The following DNAI1 variants were observed in gnomAD, a reference collection of about 807,000 sequenced individuals.
DNAI1 encodes dynein axonemal intermediate chain 1, also known as dynein, axonemal, intermediate polypeptide 1.
In DNAI1, 67 loss-of-function variants were observed where a neutral mutation model predicts 92.0. The ratio of observed to expected loss-of-function variants is 0.73; its 90% CI spans 0.60 to 0.89. The LOEUF is 0.89. DNAI1 is among the 40% of genes least tolerant of loss of function. The probability of loss-of-function intolerance (pLI) is 0.00; values close to 1 mark genes in which losing one functional copy is unlikely to be tolerated. For synonymous variants in DNAI1, 323 were observed against 319.6 expected (o/e 1.01, Z -0.11); for missense variants, 839 against 866.6 (o/e 0.97, Z 0.40).
At chr9:34,466,523 A>G (rs189125414) in intron 1 of DNAI1, among the ~76,000 whole-genome samples, 8 of 152,254 alleles carry the variant, frequency 5.3e-5, no homozygotes, top group Non-Finnish European at 1.0e-4. Context: ...TCTGCCCTTT[A>G]CAGACCTGGC....
In DNAI1 at chr9:34,483,088, G is replaced by A. The variant is rs144917007; in HGVS notation, c.49-360G>A. Among the ~76,000 whole-genome samples the A allele has an allele frequency of 4.5e-4, 68 of 152,324 alleles. No individual in the cohort carries two copies. In the East Asian group the frequency reaches 0.011, roughly 25 times the overall value. ...GGGCCCACCAAGCCCACGCCCACCC[G>A]GAACTCCAGCTGGCCCGCAAGCACC... On this transcript the variant is annotated intron_variant, in intron 1 of 19. Coordinates refer to ENST00000242317, the MANE Select transcript of DNAI1 (RefSeq NM_012144.4).
chr9:34,482,096 A>G (rs1010448175), intron 1 of DNAI1, among the ~76,000 whole-genome samples: 5 of 152,240 alleles, frequency 3.3e-5, no homozygotes, highest in African/African-American at 7.2e-5. Flanking sequence ...GTTTCCACAC[A>G]CAGGTTCTCC....
intron 5 of DNAI1, 51 bp downstream of exon 5, chr9:34,489,500 T>C (rs773374857): frequency 3.7e-6 from 6 of 1,606,382 alleles, no homozygotes; most frequent in Non-Finnish European, 5.1e-6. Flanking sequence ...GTTCCCCTTA[T>C]TCTGGTCACT....
At chr9:34,492,491 A>AAAATATATATATAT (rs1824621849) in intron 8 of DNAI1, among the ~76,000 whole-genome samples, 1 of 27,750 alleles carries the variant, frequency 3.6e-5, no homozygotes, top group Non-Finnish European at 8.0e-5. Flanking sequence ...TGGGGATATG[A>AAAATATATATATAT]AGATATATAT....
chr9:34,465,863 A>G (rs1432411290), intron 1 of DNAI1, among the ~76,000 whole-genome samples: 1 of 152,244 alleles, frequency 6.6e-6, no homozygotes, highest in Non-Finnish European at 1.5e-5. Flanking sequence ...ACAGAGTTGT[A>G]TGCAAGAAGC....
intron 1 of DNAI1, 56 bp from the exon 2 acceptor site, chr9:34,483,392 A>G: frequency 1.9e-6 from 3 of 1,556,750 alleles, no homozygotes; most frequent in Non-Finnish European, 2.6e-6. Flanking sequence ...ACTGTTTATG[A>G]TATTTCCATG....
At chr9:34,509,347 C>G (rs890871491) in intron 13 of DNAI1, among the ~76,000 whole-genome samples, 2 of 152,154 alleles carry the variant, frequency 1.3e-5, no homozygotes, top group African/African-American at 4.8e-5. Flanking sequence ...TTGAAGCACC[C>G]TGCACTTATC....
intron 1 of DNAI1, among the ~76,000 whole-genome samples, chr9:34,473,535 A>G (rs1588090372): frequency 6.6e-6 from 1 of 151,990 alleles, no homozygotes; most frequent in Admixed American, 6.6e-5. Context: ...CAGGTGATCC[A>G]CCCGCCTTGG....
chr9:34,463,777 G>T (rs1032819599), intron 1 of DNAI1, among the ~76,000 whole-genome samples: 2 of 152,140 alleles, frequency 1.3e-5, no homozygotes, highest in Non-Finnish European at 2.9e-5. Context: ...GGCTCCTATG[G>T]TGCAATACTT....
At chr9:34,481,875 G>A (rs1339891218) in intron 1 of DNAI1, among the ~76,000 whole-genome samples, 6 of 152,212 alleles carry the variant, frequency 3.9e-5, no homozygotes, top group Non-Finnish European at 7.3e-5. Context: ...AAGAGCAAAA[G>A]AACAAAGATT....
At chr9:34,510,856 A>C (rs1295374185) in intron 13 of DNAI1, among the ~76,000 whole-genome samples, 1 of 152,070 alleles carries the variant, frequency 6.6e-6, no homozygotes, top group Non-Finnish European at 1.5e-5. Context: ...ACTCTGACTT[A>C]TGCCTCACAG....
At chr9:34,498,746 C>G (rs1824772178) in intron 10 of DNAI1, among the ~76,000 whole-genome samples, 1 of 152,190 alleles carries the variant, frequency 6.6e-6, no homozygotes, top group South Asian at 2.1e-4. Flanking sequence ...TGCTGACAGC[C>G]TAGGGCTCTT....
Position 34,517,195 on chromosome 9 carries a change from T to C in DNAI1, c.1819-90T>C, listed in dbSNP as rs986192601. ...TGTGCTAGCCATTAGCCTTCTACAG[T>C]CTTTCCCCAGGAAGTCCAGGGACTC... On this transcript the variant is annotated intron_variant, in intron 18 of 19. Transcript: ENST00000242317. 14 of 1,432,514 alleles carry C rather than the reference T, an allele frequency of 9.8e-6. No homozygotes were observed. In the South Asian group the frequency reaches 1.1e-4, roughly 11 times the overall value. The allele number at this position is 1,432,514 out of a possible 1,614,324, so 88.7% of individuals were successfully genotyped here.
intron 1 of DNAI1, among the ~76,000 whole-genome samples, chr9:34,461,664 A>T (rs1823953786): frequency 6.6e-6 from 1 of 152,244 alleles, no homozygotes; most frequent in East Asian, 1.9e-4. Flanking sequence ...CTGGCCCCGT[A>T]CACATCAGCA....
intron 12 of DNAI1, among the ~76,000 whole-genome samples, chr9:34,506,082 C>A (rs1824922931): frequency 6.6e-6 from 1 of 152,168 alleles, no homozygotes; most frequent in South Asian, 2.1e-4. Flanking sequence ...CCTGGGACTT[C>A]TGGGTTTGGG....
At chr9:34,466,755 AG>A (rs1415304452) in intron 1 of DNAI1, among the ~76,000 whole-genome samples, 1 of 152,224 alleles carries the variant, frequency 6.6e-6, no homozygotes, top group Non-Finnish European at 1.5e-5. Flanking sequence ...CATCTCTCAC[AG>A]CCTCTCTATT....
chr9:34,487,514 G>A (rs1824497397), intron 4 of DNAI1, among the ~76,000 whole-genome samples: 1 of 152,026 alleles, frequency 6.6e-6, no homozygotes, highest in Non-Finnish European at 1.5e-5. Context: ...GGTGCTACTT[G>A]TGAGTTTTGC....
At chr9:34,479,456 A>G (rs1824299689) in intron 1 of DNAI1, among the ~76,000 whole-genome samples, 1 of 152,178 alleles carries the variant, frequency 6.6e-6, no homozygotes, top group Admixed American at 6.5e-5. Flanking sequence ...TGCATTTATT[A>G]TAGTGTGGCT....
intron 12 of DNAI1, among the ~76,000 whole-genome samples, chr9:34,501,734 C>A (rs112744903): frequency 6.6e-5 from 10 of 152,132 alleles, no homozygotes; most frequent in Non-Finnish European, 1.2e-4. Context: ...GGAGACCCCC[C>A]CTTCCTGCCT....
Sources: allele counts gnomAD v4.1 joint callset (sites outside exome capture counted in the v4.1 genomes callset), GRCh38; gene constraint gnomAD v4.1.1; transcripts MANE v1.5; gene names NCBI Gene and HGNC (gene_info 2026-07-23, HGNC 2026-07-21).